The following HP1BP3 variants were observed in gnomAD, a reference collection of about 807,000 sequenced individuals.
The protein encoded by HP1BP3 is heterochromatin protein 1-binding protein 3.
In HP1BP3, 12 loss-of-function variants were observed where a neutral mutation model predicts 62.5. That is an observed-to-expected ratio of 0.19 (90% CI 0.12 to 0.31). The LOEUF is 0.31. Among genes scored for constraint, HP1BP3 ranks in the 10% least tolerant of loss-of-function variants. HP1BP3 has a pLI of 1.00. For missense variants in HP1BP3, 502 were observed against 651.8 expected (o/e 0.77, Z 2.50); for synonymous variants, 260 against 237.8 (o/e 1.09, Z -0.86).
chr1:20,776,485 C>T, intron 4 of HP1BP3, 112 bp downstream of exon 4: 1 of 936,006 alleles, frequency 1.1e-6, no homozygotes, highest in Non-Finnish European at 1.6e-6. Context: ...AAATTAAATC[C>T]AAATAGCAAA....
At chr1:20,750,764 GA>G (rs1201150748) in intron 9 of HP1BP3, among the ~76,000 whole-genome samples, 1 of 149,308 alleles carries the variant, frequency 6.7e-6, no homozygotes, top group Non-Finnish European at 1.5e-5. Context: ...CAAGGATAAA[GA>G]CATGTACGAT....
chr1:20,776,357 T>G, intron 4 of HP1BP3: 1 of 442,190 alleles, frequency 2.3e-6, no homozygotes, highest in Non-Finnish European at 3.9e-6. Context: ...CAAAAACACA[T>G]TCCAAAGCCA....
intron 9 of HP1BP3, among the ~76,000 whole-genome samples, chr1:20,751,339 C>G (rs1433617246): frequency 6.6e-6 from 1 of 151,484 alleles, no homozygotes; most frequent in Admixed American, 6.6e-5. Context: ...CCTTTAACCC[C>G]TATGTTGTTC....
chr1:20,751,125 CTCTT>C (rs1246158652), intron 9 of HP1BP3, among the ~76,000 whole-genome samples: 1 of 151,992 alleles, frequency 6.6e-6, no homozygotes, highest in Non-Finnish European at 1.5e-5. Context: ...CCATTATTTC[CTCTT>C]TCTTAAGATT....
intron 1 of HP1BP3, among the ~76,000 whole-genome samples, 173 bp downstream of exon 1, chr1:20,787,022 G>A (rs1364289951): frequency 6.6e-6 from 1 of 152,030 alleles, no homozygotes; most frequent in Non-Finnish European, 1.5e-5. Context: ...AGGGAGCGGG[G>A]CGGAGCGGCC....
At chr1:20,758,174 A>T (rs1176982222) in intron 8 of HP1BP3, among the ~76,000 whole-genome samples, 1 of 152,140 alleles carries the variant, frequency 6.6e-6, no homozygotes, top group African/African-American at 2.4e-5. Flanking sequence ...ACAAAACAAA[A>T]AAATTATGTC....
chr1:20,784,091 T>C (rs551556333), intron 1 of HP1BP3, among the ~76,000 whole-genome samples: 10 of 152,224 alleles, frequency 6.6e-5, no homozygotes, highest in African/African-American at 2.2e-4. Context: ...CACCTTAGTC[T>C]CCCTAGTAGC....
chr1:20,765,519 C>A lies in HP1BP3; in HGVS notation c.748G>T (p.Ala250Ser), dbSNP rs779819452. Reference sequence around the variant, plus strand: ...TTTACTTGTGGTTCTGGATCCACTGCAGAGCTCCTATTCTGAAAAGTAATT... The same window carrying A: ...TTTACTTGTGGTTCTGGATCCACTGAAGAGCTCCTATTCTGAAAAGTAATT... ...KSRNRKNRSS[A>S]VDPEPQVKLE... Residue 250 changes from alanine to serine, a missense_variant, in exon 8 of 13, where the codon GCA (alanine) becomes TCA (serine). Coordinates refer to ENST00000438032, the MANE Select transcript of HP1BP3 (RefSeq NM_001372052.1). The A allele has an allele frequency of 1.9e-5, 30 of 1,611,984 alleles. No individual in the cohort carries two copies. The highest frequency in any genetic ancestry group is 3.3e-5 in the Admixed American group (2 of 59,776).
intron 8 of HP1BP3, among the ~76,000 whole-genome samples, chr1:20,762,499 C>T (rs2056542874): frequency 6.6e-6 from 1 of 152,144 alleles, no homozygotes; most frequent in South Asian, 2.1e-4. Flanking sequence ...ATCCCCTAAT[C>T]ACAAACCCTA....
At chr1:20,775,907 T>C (rs1483720873) in intron 4 of HP1BP3, 1 of 1,460,978 alleles carries the variant, frequency 6.8e-7, no homozygotes, top group Admixed American at 2.7e-5. Context: ...TCTCTCAGAA[T>C]GTATACCCAT....
chr1:20,785,112 AG>A (rs942805970), intron 1 of HP1BP3, among the ~76,000 whole-genome samples: 96 of 152,268 alleles, frequency 6.3e-4, no homozygotes, highest in African/African-American at 2.2e-3. Flanking sequence ...CTGTAGAGAC[AG>A]GGTTGCCCAA....
intron 10 of HP1BP3, among the ~76,000 whole-genome samples, chr1:20,748,845 A>G (rs1175309153): frequency 1.3e-5 from 2 of 152,096 alleles, no homozygotes; most frequent in African/African-American, 4.8e-5. Context: ...TAATTTCCAT[A>G]TCCCTCACCC....
In HP1BP3 at chr1:20,765,539, G is replaced by T. The variant is rs370173674; in HGVS notation, c.736-8C>A. 1 of 1,604,930 alleles carries T rather than the reference G, an allele frequency of 6.2e-7. No individual in the cohort carries two copies. Among genetic ancestry groups the T allele is most frequent in the African/African-American group, 1.3e-5 (1 of 74,444 alleles). ...CACTGCAGAGCTCCTATTCTGAAAA[G>T]TAATTATCAAAAATTATGATCATTA... On this transcript the variant is annotated splice_region_variant and splice_polypyrimidine_tract_variant and intron_variant, in intron 7 of 12. Transcript: ENST00000438032.
At chr1:20,756,102 ACT>A (rs1247450274) in intron 9 of HP1BP3, among the ~76,000 whole-genome samples, 1 of 152,186 alleles carries the variant, frequency 6.6e-6, no homozygotes, top group Non-Finnish European at 1.5e-5. Context: ...ACTGAAAATC[ACT>A]GAGTTATAAA....
chr1:20,765,583 A>G (rs778406110), intron 7 of HP1BP3, 52 bp from the exon 8 acceptor site: 9 of 1,430,660 alleles, frequency 6.3e-6, no homozygotes, highest in Non-Finnish European at 8.7e-6. Flanking sequence ...AAATGTTTCT[A>G]CATACAACTC....
At chr1:20,750,840 C>T (rs2055697455) in intron 9 of HP1BP3, among the ~76,000 whole-genome samples, 3 of 114,362 alleles carry the variant, frequency 2.6e-5, no homozygotes, top group South Asian at 2.9e-4. Flanking sequence ...TTTTTTGAGA[C>T]AGAGTCTCGC....
chr1:20,771,422 G>A (rs2057054864), intron 5 of HP1BP3, among the ~76,000 whole-genome samples: 1 of 152,124 alleles, frequency 6.6e-6, no homozygotes, highest in South Asian at 2.1e-4. Flanking sequence ...TCACTTACAG[G>A]ATCACAGATC....
chr1:20,761,744 T>C lies in HP1BP3; in HGVS notation c.890+3633A>G, dbSNP rs371481458. ...CATAAAAGATGAGAGGCCTAAGGTA[T>C]AACCCTGAGGGCTCCTTTCTATTAA... On this transcript the variant is annotated intron_variant, in intron 8 of 12. Transcript: ENST00000438032. 3.6e-4 allele frequency among the ~76,000 whole-genome samples: 55 copies of C among 152,334 alleles called. No individual in the cohort carries two copies. The East Asian group carries it at 9.3e-3, about 26-fold the overall frequency.
At chr1:20,748,611 T>A (rs557907993) in intron 10 of HP1BP3, among the ~76,000 whole-genome samples, 1 of 151,962 alleles carries the variant, frequency 6.6e-6, no homozygotes, top group Admixed American at 6.6e-5. Flanking sequence ...AACAAAAAAA[T>A]TAGCCAGGGG....
Sources: allele counts gnomAD v4.1 joint callset (sites outside exome capture counted in the v4.1 genomes callset), GRCh38; gene constraint gnomAD v4.1.1; transcripts MANE v1.5; gene names NCBI Gene and HGNC (gene_info 2026-07-23, HGNC 2026-07-21).